Variants in PLCL2 observed in about 807,000 individuals in gnomAD.
PLCL2 encodes phospholipase C like 2.
Under a neutral mutation model 79.6 loss-of-function variants are expected in PLCL2, and 4 were observed. The observed-to-expected ratio is 0.05, with a 90% CI of 0.02 to 0.11. The LOEUF (loss-of-function observed/expected upper bound fraction) is 0.11. PLCL2 is among the 10% of genes least tolerant of loss of function. The pLI, the probability that PLCL2 is intolerant of heterozygous loss-of-function variation, is 1.00. For missense variants in PLCL2, 895 were observed against 1,291.0 expected (o/e 0.69, Z 4.70); for synonymous variants, 484 against 457.7 (o/e 1.06, Z -0.73).
intron 1 of PLCL2, among the ~76,000 whole-genome samples, chr3:16,994,707 G>GTTCA (rs1349560872): frequency 4.6e-5 from 7 of 152,122 alleles, no homozygotes; most frequent in Admixed American, 1.3e-4. Flanking sequence ...TGCTCTTTGA[G>GTTCA]TTCATTCATT....
At chr3:17,085,494 A>T (rs933004987) in intron 5 of PLCL2, among the ~76,000 whole-genome samples, 1 of 151,396 alleles carries the variant, frequency 6.6e-6, no homozygotes, top group African/African-American at 2.4e-5. Context: ...CTTGTTGCCC[A>T]GGCTGGAGTG....
Position 17,010,488 on chromosome 3 carries a change from G to T in PLCL2, c.1142G>T (p.Ser381Ile). The change falls in exon 2 of 6, where the codon AGC (serine) becomes ATC (isoleucine). Residue 381 changes from serine (S) to isoleucine (I), a missense_variant. By Grantham distance (142) the Ser-to-Ile change is moderately radical. Transcript: ENST00000615277. This position sits in a 1 kb window ranked among gnomAD's most constrained non-coding sequence, Gnocchi z 5.8. ...GTGGCACATATAAATGAGGAAATAA[G>T]CCTTGAAATTATTCACAAATATGAA... ...QGVAHINEEI[S>I]LEIIHKYEPS... 1 of 1,614,046 alleles carries T rather than the reference G, an allele frequency of 6.2e-7. No homozygotes were observed. The highest frequency in any genetic ancestry group is 8.5e-7 in the Non-Finnish European group (1 of 1,179,998).
At chr3:16,914,687 A>G (rs571681934) in intron 1 of PLCL2, among the ~76,000 whole-genome samples, 3 of 152,042 alleles carry the variant, frequency 2.0e-5, no homozygotes, top group South Asian at 2.1e-4. Context: ...TTTAGGGGGT[A>G]TGTGTGATTT....
intron 1 of PLCL2, among the ~76,000 whole-genome samples, chr3:17,008,199 G>A (rs972652397): frequency 6.6e-6 from 1 of 151,668 alleles, no homozygotes; most frequent in Non-Finnish European, 1.5e-5. Context: ...GAGCATTGGG[G>A]CATAGTAATA....
At chr3:16,903,762 A>C (rs1696684286) in intron 1 of PLCL2, among the ~76,000 whole-genome samples, 1 of 152,190 alleles carries the variant, frequency 6.6e-6, no homozygotes, top group South Asian at 2.1e-4. Context: ...TTGGGAAATG[A>C]TCAGGTTGGT....
rs1383639137 is a variant in PLCL2, at chr3:17,040,705, G to A, written c.3019-2169G>A. 2.6e-5 allele frequency among the ~76,000 whole-genome samples: 4 copies of A among 152,272 alleles called. 1 individual carries two copies. ...TATGGGTAGGAAATTAGGGTTATGA[G>A]GTTAAATATCTTGTCCTAGATGACA... On this transcript the variant is annotated intron_variant, in intron 3 of 5. Transcript: ENST00000615277.
rs565374928 is a variant in PLCL2, at chr3:17,086,511, G to A, written c.3205-3222G>A. On this transcript the variant is annotated intron_variant, in intron 5 of 5. Transcript: ENST00000615277. ...AGATAACACAGGATAAAATCTAGGC[G>A]ACCTTGGATATGGCAGTGCTTTTTC... 1.9e-3 allele frequency among the ~76,000 whole-genome samples: 289 copies of A among 152,308 alleles called. 3 individuals carry two copies. The highest frequency in any genetic ancestry group is 5.0e-3 in the South Asian group (24 of 4,826).
At chr3:17,076,356 T>A (rs891004632) in intron 5 of PLCL2, among the ~76,000 whole-genome samples, 1 of 152,010 alleles carries the variant, frequency 6.6e-6, no homozygotes, top group African/African-American at 2.4e-5. Context: ...ATTTGGAAAC[T>A]TTTTGGTGAT....
At chr3:16,979,794 C>G (rs1418195894) in intron 1 of PLCL2, among the ~76,000 whole-genome samples, 2 of 149,366 alleles carry the variant, frequency 1.3e-5, no homozygotes, top group African/African-American at 2.5e-5. Context: ...ACCTTTCCCC[C>G]CTTTCTATTC....
intron 5 of PLCL2, among the ~76,000 whole-genome samples, chr3:17,084,905 T>G (rs1488979227): frequency 6.6e-6 from 1 of 152,102 alleles, no homozygotes; most frequent in Non-Finnish European, 1.5e-5. Context: ...CTTTCAACAT[T>G]GACCTGGAAG....
At chr3:16,948,233 C>T (rs1187063966) in intron 1 of PLCL2, among the ~76,000 whole-genome samples, 2 of 152,054 alleles carry the variant, frequency 1.3e-5, no homozygotes, top group Admixed American at 1.3e-4. Context: ...ACCTTGAAAA[C>T]ATTATGCTAA....
chr3:16,977,114 G>GCA (rs140307662), intron 1 of PLCL2, among the ~76,000 whole-genome samples: 5,362 of 149,862 alleles, frequency 0.036, 136 homozygotes, highest in Admixed American at 0.069. Context: ...CATTGAATAC[G>GCA]CACACACACA....
chr3:16,990,517 T>C (rs923145229), intron 1 of PLCL2, among the ~76,000 whole-genome samples: 2 of 152,222 alleles, frequency 1.3e-5, no homozygotes, highest in African/African-American at 4.8e-5. Context: ...TGTGTAGTTT[T>C]TACTATTTAG....
intron 1 of PLCL2, among the ~76,000 whole-genome samples, chr3:16,955,763 C>T (rs1483444143): frequency 6.6e-6 from 1 of 152,088 alleles, no homozygotes; most frequent in African/African-American, 2.4e-5. Context: ...AAGCTGGATT[C>T]CTAGGTATTT....
At chr3:16,893,745 A>T (rs1216131090) in intron 1 of PLCL2, among the ~76,000 whole-genome samples, 1 of 152,258 alleles carries the variant, frequency 6.6e-6, no homozygotes, top group Non-Finnish European at 1.5e-5. Context: ...AGATTAAAAA[A>T]ATAGCTATTT....
Position 16,967,759 on chromosome 3 carries a change from T to C in PLCL2, c.328-41915T>C, listed in dbSNP as rs554568007. Among the ~76,000 whole-genome samples the C allele has an allele frequency of 1.7e-4, 26 of 152,280 alleles. No homozygotes were observed. The South Asian group carries it at 2.5e-3, about 15-fold the overall frequency. On this transcript the variant is annotated intron_variant, in intron 1 of 5. Coordinates refer to ENST00000615277, the MANE Select transcript of PLCL2 (RefSeq NM_001144382.2). The stretch of plus-strand genomic sequence containing the variant: ...TTTCTTTTCCTGTGCAAAAGATCTT[T>C]AGTTTAATTAAGTCCCATTTGTCAA...
chr3:16,893,714 T>C (rs1424955835), intron 1 of PLCL2, among the ~76,000 whole-genome samples: 1 of 152,266 alleles, frequency 6.6e-6, no homozygotes, highest in East Asian at 1.9e-4. Flanking sequence ...TGAGTATTAA[T>C]AGAACAAGAT....
chr3:17,004,190 T>G (rs1420019835), intron 1 of PLCL2, among the ~76,000 whole-genome samples: 1 of 152,136 alleles, frequency 6.6e-6, no homozygotes, highest in Admixed American at 6.5e-5. Flanking sequence ...AGTTATGATT[T>G]TATAGATTAT....
chr3:16,949,450 A>G (rs946615900), intron 1 of PLCL2, among the ~76,000 whole-genome samples: 8 of 152,154 alleles, frequency 5.3e-5, no homozygotes, highest in Admixed American at 6.5e-5. Flanking sequence ...CCTTGATCCT[A>G]TATCCATTTT....
Sources: allele counts gnomAD v4.1 joint callset (sites outside exome capture counted in the v4.1 genomes callset), GRCh38; gene constraint gnomAD v4.1.1; non-coding constraint Gnocchi (gnomAD v3.1); transcripts MANE v1.5; gene names NCBI Gene and HGNC (gene_info 2026-07-23, HGNC 2026-07-21).